The following FMO2 variants were observed in gnomAD, a reference collection of about 807,000 sequenced individuals.
The protein encoded by FMO2 is flavin-containing monooxygenase 2.
FMO2 carries 33 observed loss-of-function variants against 41.6 expected under a neutral mutation model. That is an observed-to-expected ratio of 0.79 (90% confidence interval 0.60 to 1.06). The LOEUF is 1.06. Among genes scored for constraint, FMO2 ranks in the 50% least tolerant of loss-of-function variants. The probability of loss-of-function intolerance (pLI) is 0.00; values close to 1 mark genes in which losing one functional copy is unlikely to be tolerated. For synonymous variants in FMO2, 214 were observed against 219.6 expected, an observed-to-expected ratio of 0.97 and a Z score of 0.23; for missense variants, 619 against 632.9, an observed-to-expected ratio of 0.98 and a Z score of 0.23.
intron 3 of FMO2, among the ~76,000 whole-genome samples, chr1:171,194,028 C>T (rs899891448): frequency 3.3e-5 from 5 of 152,204 alleles, no homozygotes; most frequent in African/African-American, 1.2e-4. Flanking sequence ...GATCCACCCG[C>T]CTCGGCCCCC....
intron 3 of FMO2, among the ~76,000 whole-genome samples, chr1:171,194,870 T>C (rs1658236876): frequency 6.6e-6 from 1 of 152,232 alleles, no homozygotes; most frequent in Non-Finnish European, 1.5e-5. Context: ...CAACTTACAA[T>C]AGTAAATTTT....
chr1:171,193,310 CT>C (rs751373125), intron 2 of FMO2, 24 bp from the exon 3 acceptor site: 41 of 1,553,928 alleles, frequency 2.6e-5, no homozygotes, highest in Non-Finnish European at 2.2e-5. Flanking sequence ...GTAATTATCA[CT>C]AATTATTTTA....
intron 8 of FMO2, among the ~76,000 whole-genome samples, chr1:171,208,276 C>T (rs531141792): frequency 5.3e-5 from 8 of 152,192 alleles, no homozygotes; most frequent in African/African-American, 2.4e-5. Context: ...CAACAGTGAT[C>T]GAGTACCCTT....
intron 6 of FMO2, among the ~76,000 whole-genome samples, chr1:171,204,673 C>T (rs1037334365): frequency 6.6e-6 from 1 of 151,936 alleles, no homozygotes; most frequent in East Asian, 1.9e-4. Flanking sequence ...ACATAAGTGC[C>T]ACGTATCGTC....
chr1:171,191,909 G>A (rs1420823844), intron 2 of FMO2, among the ~76,000 whole-genome samples: 8 of 120,990 alleles, frequency 6.6e-5, no homozygotes, highest in African/African-American at 2.6e-4. Flanking sequence ...GTAGTGGCAC[G>A]CGCCTGTAGT....
intron 7 of FMO2, among the ~76,000 whole-genome samples, chr1:171,207,122 G>C (rs1225185627): frequency 6.6e-6 from 1 of 152,124 alleles, no homozygotes; most frequent in African/African-American, 2.4e-5. Context: ...TCTAGGCAAG[G>C]GGACTTGACC....
At chr1:171,208,293 T>C (rs1658846099) in intron 8 of FMO2, among the ~76,000 whole-genome samples, 1 of 152,184 alleles carries the variant, frequency 6.6e-6, no homozygotes. Context: ...CCTTGGAAAG[T>C]TGATTTGGGG....
intron 4 of FMO2, 22 bp from the exon 5 acceptor site, chr1:171,199,324 T>G: frequency 6.5e-7 from 1 of 1,549,156 alleles, no homozygotes; most frequent in East Asian, 2.3e-5. Context: ...GCTCACAGAC[T>G]TCTCTCTTCT....
chr1:171,206,181 C>A (rs1658750495), intron 7 of FMO2, among the ~76,000 whole-genome samples: 1 of 152,156 alleles, frequency 6.6e-6, no homozygotes, highest in African/African-American at 2.4e-5. Context: ...TTGCCCTGTG[C>A]TGGGAACTGG....
At chr1:171,189,076 A>T (rs750210984) in intron 2 of FMO2, 1 of 152,204 alleles carries the variant, frequency 6.6e-6, no homozygotes, top group Non-Finnish European at 1.5e-5. Context: ...GAGGGTTTAC[A>T]ATTTCGGAGC....
At position 171,195,160 on chromosome 1, in the gene FMO2, AG is replaced by A. The variant is rs565210582; in HGVS notation, c.322-1485del. 1.3e-3 allele frequency among the ~76,000 whole-genome samples: 194 copies of A among 152,252 alleles called. 2 individuals carry two copies. The highest frequency in any genetic ancestry group is 4.0e-3 in the African/African-American group (166 of 41,554). On this transcript the variant is annotated intron_variant, in intron 3 of 8. Coordinates refer to ENST00000209929, the MANE Select transcript of FMO2 (RefSeq NM_001460.5). ...TACTTTTGTTTCTTGGAGAGTGAAGAGGGGTTGGGAAGAAAGGTTTCTGTTT... is the reference window on the plus strand; with the variant it reads ...TACTTTTGTTTCTTGGAGAGTGAAGAGGGTTGGGAAGAAAGGTTTCTGTTT...
At position 171,205,624 on chromosome 1, in the gene FMO2, A is replaced by C. The variant is rs1658731884; in HGVS notation, c.1173A>C (p.Arg391Ser). 1 of 1,604,974 alleles carries C rather than the reference A, an allele frequency of 6.2e-7. No individual in the cohort carries two copies. The highest frequency in any genetic ancestry group is 1.3e-5 in the African/African-American group (1 of 74,486). Residue 391 changes from arginine to serine, a missense_variant, in exon 7 of 9, where the codon AGA becomes AGC. Coordinates refer to ENST00000209929, the MANE Select transcript of FMO2 (RefSeq NM_001460.5). Reference sequence around the variant, plus strand: ...AACTTCAAGCTCGTTGGGTGACAAGAGTTTTCAAAGGTAAGTGTGTAGGCA... The same window carrying C: ...AACTTCAAGCTCGTTGGGTGACAAGCGTTTTCAAAGGTAAGTGTGTAGGCA... ...TAELQARWVT[R>S]VFKGLCSLPS...
Position 171,205,545 on chromosome 1 carries a change from C to A in FMO2, c.1094C>A (p.Thr365Asn). The change falls in exon 7 of 9, where the codon ACC (threonine) becomes AAC (asparagine). Residue 365 changes from threonine (T) to asparagine (N), a missense_variant. Physicochemically the swap from Thr to Asn is moderately conservative, Grantham distance 65. Transcript: ENST00000209929. ...YIFPAHLDKS[T>N]LACIGLIQPL... Reference sequence around the variant, plus strand: ...TTCCCCGCTCACCTGGACAAGTCAACCCTCGCGTGCATTGGTCTCATCCAG... The same window carrying A: ...TTCCCCGCTCACCTGGACAAGTCAAACCTCGCGTGCATTGGTCTCATCCAG... The A allele has an allele frequency of 6.2e-7, 1 of 1,613,900 alleles. No homozygotes were observed. The highest frequency in any genetic ancestry group is 2.2e-5 in the East Asian group (1 of 44,876).
Position 171,208,916 on chromosome 1 carries a change from C to T in FMO2, c.1379C>T (p.Ala460Val), listed in dbSNP as rs1379292752. 1 of 1,613,934 alleles carries T rather than the reference C, an allele frequency of 6.2e-7. No homozygotes were observed. ...CSLLFKDPKL[A>V]VRLYFGPCNS... ...CTCTTGTTCAAAGATCCTAAACTGG[C>T]TGTGAGACTCTATTTCGGACCCTGC... is the stretch of plus-strand genomic sequence containing the variant. The change falls in exon 9 of 9, where the codon GCT (alanine) becomes GTT (valine). Residue 460 changes from alanine (A) to valine (V), a missense_variant. By Grantham distance (64) the Ala-to-Val change is moderately conservative (BLOSUM62 0). Coordinates refer to ENST00000209929, the MANE Select transcript of FMO2 (RefSeq NM_001460.5).
At position 171,199,496 on chromosome 1, in the gene FMO2, G is replaced by A. The variant is rs554985910; in HGVS notation, c.627+8G>A. 3.1e-6 allele frequency: 5 copies of A among 1,598,698 alleles called. No individual in the cohort carries two copies. The highest frequency in any genetic ancestry group is 2.3e-5 in the East Asian group (1 of 43,856). On this transcript the variant is annotated splice_region_variant and intron_variant, in intron 5 of 8. Coordinates refer to ENST00000209929, the MANE Select transcript of FMO2 (RefSeq NM_001460.5). ...AGTAAGAATGCTGCTCAGGTGTGAT[G>A]CTCTCTGCTTACCATGTACCTGGAG...
intron 2 of FMO2, among the ~76,000 whole-genome samples, chr1:171,189,173 T>C (rs1657973698): frequency 6.6e-6 from 1 of 152,080 alleles, no homozygotes; most frequent in Non-Finnish European, 1.5e-5. Context: ...TCCTTTATTG[T>C]TCCTAATACC....
chr1:171,212,306 G>A lies in FMO2; in HGVS notation c.*3161G>A, dbSNP rs371327050. Among the ~76,000 whole-genome samples, 16 of 152,172 alleles carry A rather than the reference G, an allele frequency of 1.1e-4. No homozygotes were observed. Among genetic ancestry groups the A allele is most frequent in the South Asian group, 8.3e-4 (4 of 4,822 alleles). On this transcript the variant is annotated 3_prime_UTR_variant, in exon 9 of 9. Transcript: ENST00000209929. ...TTTCCCTTCTGCCTTCACCTTTGCCGTGGGTGGACACAGCAAGAAGGCCCT... is the reference window on the plus strand; with the variant it reads ...TTTCCCTTCTGCCTTCACCTTTGCCATGGGTGGACACAGCAAGAAGGCCCT...
In FMO2 at chr1:171,211,619, A is replaced by G. The variant is rs937949992; in HGVS notation, c.*2474A>G. Among the ~76,000 whole-genome samples, 1 of 152,208 alleles carries G rather than the reference A, an allele frequency of 6.6e-6. No individual in the cohort carries two copies. The highest frequency in any genetic ancestry group is 2.4e-5 in the African/African-American group (1 of 41,456). ...TTCCAAATGTTCTGGTATCTTTGAAAAATGTAAATAGTTTATTTATAGAGA... is the reference window on the plus strand; with the variant it reads ...TTCCAAATGTTCTGGTATCTTTGAAGAATGTAAATAGTTTATTTATAGAGA... On this transcript the variant is annotated 3_prime_UTR_variant, in exon 9 of 9. Coordinates refer to ENST00000209929, the MANE Select transcript of FMO2 (RefSeq NM_001460.5).
At chr1:171,199,312 G>T in intron 4 of FMO2, 34 bp from the exon 5 acceptor site, 1 of 1,524,944 alleles carries the variant, frequency 6.6e-7, no homozygotes, top group Non-Finnish European at 8.8e-7. Context: ...AGTTGCTCTG[G>T]AGCTCACAGA....
Sources: allele counts gnomAD v4.1 joint callset (sites outside exome capture counted in the v4.1 genomes callset), GRCh38; gene constraint gnomAD v4.1.1; transcripts MANE v1.5; gene names NCBI Gene and HGNC (gene_info 2026-07-23, HGNC 2026-07-21).